HNRNPUL2: variants seen among roughly 807,000 people sequenced by gnomAD.
HNRNPUL2 encodes heterogeneous nuclear ribonucleoprotein U like 2, also known as heterogeneous nuclear ribonucleoprotein U-like protein 2.
A neutral mutation model predicts 102.2 loss-of-function variants in HNRNPUL2; 27 were observed. That is an observed-to-expected ratio of 0.26 (90% CI 0.19 to 0.36). The LOEUF is 0.36. Ranked by LOEUF, HNRNPUL2 falls within the 10% of genes least tolerant of loss-of-function variation. HNRNPUL2 has a pLI of 1.00. For synonymous variants in HNRNPUL2, 458 were observed against 387.2 expected (o/e 1.18, Z -2.15); for missense variants, 936 against 981.1 (o/e 0.95, Z 0.61).
intron 9 of HNRNPUL2, among the ~76,000 whole-genome samples, chr11:62,720,654 G>A (rs1453299862): frequency 6.6e-6 from 1 of 151,774 alleles, no homozygotes; most frequent in Non-Finnish European, 1.5e-5. Flanking sequence ...CATGAGGTCA[G>A]GAGATCAAGA....
intron 10 of HNRNPUL2, among the ~76,000 whole-genome samples, chr11:62,717,523 T>C (rs1422591726): frequency 1.3e-5 from 2 of 152,156 alleles, no homozygotes; most frequent in Non-Finnish European, 2.9e-5. Flanking sequence ...AGTTCTGGTG[T>C]TGGTCAGATA....
chr11:62,722,420 G>C (rs769260256), intron 6 of HNRNPUL2, 40 bp from the exon 7 acceptor site: 33 of 1,595,414 alleles, frequency 2.1e-5, no homozygotes, highest in Non-Finnish European at 2.8e-5. Context: ...TGGCTGACGA[G>C]GCTTTGGGTT....
At chr11:62,721,736 G>A in intron 8 of HNRNPUL2, 84 bp downstream of exon 8, 3 of 1,441,370 alleles carry the variant, frequency 2.1e-6, no homozygotes, top group South Asian at 2.5e-5. Flanking sequence ...CTTGTTCTCA[G>A]ACACTTGAGA....
At position 62,720,116 on chromosome 11, in the gene HNRNPUL2, C is replaced by T. The variant is rs776224469; in HGVS notation, c.1687G>A (p.Val563Ile). ...KTFSRKVVVV[V>I]PNEEDWKKRL... is the part of the protein sequence containing the mutation. ...TTCTTCCAATCTTCCTCATTAGGGA[C>T]AACCACCACCACTTTCCGAGAGAAG... Residue 563 changes from valine to isoleucine, a missense_variant, in exon 10 of 14, where the codon GTC (valine) becomes ATC (isoleucine). By Grantham distance (29) the Val-to-Ile change is conservative (BLOSUM62 3). Coordinates refer to ENST00000301785, the MANE Select transcript of HNRNPUL2 (RefSeq NM_001079559.3). 1.9e-6 allele frequency: 3 copies of T among 1,614,004 alleles called. No homozygotes were observed. The highest frequency in any genetic ancestry group is 1.1e-5 in the South Asian group (1 of 91,082).
chr11:62,716,326 A>C (rs2083659848), intron 11 of HNRNPUL2, among the ~76,000 whole-genome samples: 1 of 152,236 alleles, frequency 6.6e-6, no homozygotes, highest in African/African-American at 2.4e-5. Flanking sequence ...AAAGAAACAA[A>C]GTCTCTGTAA....
rs12807870 is a variant in HNRNPUL2, at chr11:62,720,222, G to A, written c.1612-31C>T. 3.2e-3 allele frequency: 5,074 copies of A among 1,603,620 alleles called. 7 individuals carry two copies. The highest frequency in any genetic ancestry group is 0.011 in the Middle Eastern group (64 of 6,046). On this transcript the variant is annotated intron_variant, in intron 9 of 13. Transcript: ENST00000301785. ...AACAGGAGGAATAACTGATGTTTAG[G>A]AAGAAAATTATCACTCAGATTTAAC...
chr11:62,721,444 TG>T (rs765979694), intron 8 of HNRNPUL2, 21 bp from the exon 9 acceptor site: 257 of 1,364,356 alleles, frequency 1.9e-4, no homozygotes, highest in Middle Eastern at 5.8e-4. Context: ...TGAGAGGAAG[TG>T]AAAAAAAAAA....
chr11:62,722,856 G>C lies in HNRNPUL2; in HGVS notation c.939C>G (p.Leu313=). The change falls in exon 5 of 14, where the codon CTC becomes CTG. Residue 313 remains leucine, a synonymous_variant. Coordinates refer to ENST00000301785, the MANE Select transcript of HNRNPUL2 (RefSeq NM_001079559.3). ...PMKEGCTEVS[L]LRVGWSVDFS... is the part of the protein sequence containing the mutation. ...AATCAACAGACCACCCAACTCGAAG[G>C]AGAGAGACCTCTGTGCAGCCTTCTT... The C allele has an allele frequency of 4.3e-6, 7 of 1,614,142 alleles. No individual in the cohort carries two copies. The highest frequency in any genetic ancestry group is 5.1e-6 in the Non-Finnish European group (6 of 1,180,016).
chr11:62,726,196 G>T (rs1447556021), intron 1 of HNRNPUL2, among the ~76,000 whole-genome samples: 2 of 152,110 alleles, frequency 1.3e-5, no homozygotes, highest in Non-Finnish European at 2.9e-5. Flanking sequence ...TTCGATTTTT[G>T]CTTAACATTT....
At position 62,715,578 on chromosome 11, in the gene HNRNPUL2, C is replaced by G. The variant is rs750745998; in HGVS notation, c.2085G>C (p.Arg695Ser). 1.9e-6 allele frequency: 3 copies of G among 1,613,052 alleles called. No homozygotes were observed. The highest frequency in any genetic ancestry group is 2.5e-6 in the Non-Finnish European group (3 of 1,179,220). ...GGYRNFYDRY[R>S]GDYDRFYGRD... The stretch of plus-strand genomic sequence containing the variant: ...GCCCGTAAAATCGATCATAGTCTCC[C>G]CTGTATCGATCATAGAAATTACGGT... Residue 695 changes from arginine to serine, a missense_variant, in exon 13 of 14, where the codon AGG (arginine) becomes AGC (serine). Transcript: ENST00000301785.
chr11:62,726,553 G>T, intron 1 of HNRNPUL2, 66 bp downstream of exon 1: 1 of 1,429,098 alleles, frequency 7.0e-7, no homozygotes, highest in Non-Finnish European at 9.2e-7. Flanking sequence ...CTGCGGTGCA[G>T]GGCGGGGTGC....
chr11:62,718,114 C>T (rs1216390473), intron 10 of HNRNPUL2, among the ~76,000 whole-genome samples: 2 of 152,060 alleles, frequency 1.3e-5, no homozygotes, highest in African/African-American at 4.8e-5. Context: ...ATATGCAAAC[C>T]AGTTCCCATG....
Position 62,722,657 on chromosome 11 carries a change from G to T in HNRNPUL2, c.1039C>A (p.Gln347Lys). ...DGRGLKAENG[Q>K]FEEFGQTFGE... The stretch of plus-strand genomic sequence containing the variant: ...AAAGTCTGGCCAAATTCCTCAAATT[G>T]TCCATTTTCTGCCTTGAGTCCTCGT... The change falls in exon 6 of 14, where the codon CAA becomes AAA. Residue 347 changes from glutamine to lysine, a missense_variant. Around this residue, in one of 2 missense-constraint regions of HNRNPUL2, gnomAD observed 609 missense variants for 713.0 expected, o/e 0.85. Coordinates refer to ENST00000301785, the MANE Select transcript of HNRNPUL2 (RefSeq NM_001079559.3). 1 of 1,614,116 alleles carries T rather than the reference G, an allele frequency of 6.2e-7. No individual in the cohort carries two copies. Among genetic ancestry groups the T allele is most frequent in the Non-Finnish European group, 8.5e-7 (1 of 1,179,998 alleles).
intron 11 of HNRNPUL2, 71 bp downstream of exon 11, chr11:62,716,918 C>T: frequency 1.3e-6 from 2 of 1,549,788 alleles, no homozygotes; most frequent in South Asian, 1.1e-5. Context: ...TTGGCCTTCC[C>T]TTGCACATCT....
In HNRNPUL2 at chr11:62,715,188, CAG is replaced by C; in HGVS notation, c.*109_*110del. Reference sequence around the variant, plus strand: ...CTCCCCCCCCACCACCCCTCCCCGGCAGCTCAGCCCCACCCCGACAGCCCCTG... The same window carrying C: ...CTCCCCCCCCACCACCCCTCCCCGGCCTCAGCCCCACCCCGACAGCCCCTG... On this transcript the variant is annotated 3_prime_UTR_variant, in exon 14 of 14. Coordinates refer to ENST00000301785, the MANE Select transcript of HNRNPUL2 (RefSeq NM_001079559.3). The C allele has an allele frequency of 4.0e-6, 1 of 252,838 alleles. No individual in the cohort carries two copies. Among genetic ancestry groups the C allele is most frequent in the South Asian group, 6.5e-5 (1 of 15,428 alleles). 15.7% of individuals were successfully genotyped at this position (252,838 alleles called of 1,614,324 possible). A position where few individuals can be genotyped will look rare whatever the true frequency, so the allele number is the denominator to read the frequency against.
intron 4 of HNRNPUL2, 57 bp from the exon 5 acceptor site, chr11:62,722,960 T>C (rs532331918): frequency 7.3e-7 from 1 of 1,360,876 alleles, no homozygotes; most frequent in African/African-American, 1.4e-5. Flanking sequence ...TAGCAAACTC[T>C]GAGTTCGAAG....
chr11:62,726,943 C>T lies in HNRNPUL2; in HGVS notation c.214G>A (p.Gly72Ser), dbSNP rs2083757433. 6.8e-7 allele frequency: 1 copy of T among 1,477,596 alleles called. No individual in the cohort carries two copies. The highest frequency in any genetic ancestry group is 8.9e-7 in the Non-Finnish European group (1 of 1,122,568). 91.5% of individuals were successfully genotyped at this position (1,477,596 alleles called of 1,614,324 possible). ...TCTTCGTCCTCCTCCTCGTCCCCGC[C>T]CGGGCCGCCGCCCGACGCGGCCACA... is the stretch of plus-strand genomic sequence containing the variant. ...RPVAASGGGP[G>S]GDEEEDEEEE... Residue 72 changes from glycine (G) to serine (S), a missense_variant, in exon 1 of 14, where the codon GGC (glycine) becomes AGC (serine). By Grantham distance (56) the Gly-to-Ser change is moderately conservative (BLOSUM62 0). Transcript: ENST00000301785.
Position 62,723,997 on chromosome 11 carries a change from A to G in HNRNPUL2, c.675-7T>C, listed in dbSNP as rs373142525. 15 of 1,608,776 alleles carry G rather than the reference A, an allele frequency of 9.3e-6. No individual in the cohort carries two copies. The highest frequency in any genetic ancestry group is 4.0e-5 in the African/African-American group (3 of 74,786). ...AGGCAGTGGAGACTTTGAGCTATAT[A>G]TGTAAGATAGAAAAGAAACACAATG... On this transcript the variant is annotated splice_region_variant and splice_polypyrimidine_tract_variant and intron_variant, in intron 2 of 13. Coordinates refer to ENST00000301785, the MANE Select transcript of HNRNPUL2 (RefSeq NM_001079559.3).
At chr11:62,725,277 A>C (rs190122684) in intron 1 of HNRNPUL2, among the ~76,000 whole-genome samples, 120 of 152,260 alleles carry the variant, frequency 7.9e-4, no homozygotes, top group African/African-American at 2.8e-3. Context: ...AGCTCACCGC[A>C]ACCTCCGCCT....
Sources: gnomAD v4.1 joint callset for allele counts (sites outside exome capture counted in the v4.1 genomes callset) on GRCh38, gnomAD v4.1.1 for gene constraint, gnomAD v4.1.1 regional missense constraint, MANE v1.5 for transcripts, NCBI Gene and HGNC (gene_info 2026-07-23, HGNC 2026-07-21) for gene names.